The following PAMR1 variants were observed in gnomAD, a reference collection of about 807,000 sequenced individuals.
PAMR1 encodes the protein peptidase domain containing associated with muscle regeneration 1, also known as inactive serine protease PAMR1.
In PAMR1, 88 loss-of-function variants were observed where a neutral mutation model predicts 81.8. The ratio of observed to expected loss-of-function variants is 1.08; its 90% CI spans 0.91 to 1.28. The LOEUF (loss-of-function observed/expected upper bound fraction) is 1.28, where lower values mean the gene tolerates loss of function less well. Ranked by LOEUF, PAMR1 falls within the 50% of genes most tolerant of loss-of-function variation. The pLI is 0.00. For missense variants in PAMR1, 935 were observed against 919.7 expected (o/e 1.02, Z -0.21); for synonymous variants, 336 against 345.3 (o/e 0.97, Z 0.30).
At chr11:35,473,605 G>A (rs973144914) in intron 4 of PAMR1, among the ~76,000 whole-genome samples, 1 of 152,162 alleles carries the variant, frequency 6.6e-6, no homozygotes, top group Non-Finnish European at 1.5e-5. Flanking sequence ...GGAAACACAA[G>A]CTGTCATGCA....
At chr11:35,483,618 G>A (rs954747353) in intron 3 of PAMR1, among the ~76,000 whole-genome samples, 34 of 152,146 alleles carry the variant, frequency 2.2e-4, no homozygotes, top group African/African-American at 8.2e-4. Flanking sequence ...GAAGCATCCC[G>A]AATCTCTTGC....
chr11:35,501,499 T>G (rs12804587), intron 1 of PAMR1, among the ~76,000 whole-genome samples: 1 of 152,138 alleles, frequency 6.6e-6, no homozygotes, highest in Non-Finnish European at 1.5e-5. Flanking sequence ...ACAAGTACAG[T>G]TGTACAAAAA....
At chr11:35,506,844 A>C (rs1169418564) in intron 1 of PAMR1, among the ~76,000 whole-genome samples, 1 of 145,232 alleles carries the variant, frequency 6.9e-6, no homozygotes, top group Non-Finnish European at 1.5e-5. Context: ...GGATATTTAT[A>C]TCTTTCTTAA....
intron 3 of PAMR1, among the ~76,000 whole-genome samples, chr11:35,477,652 G>A (rs1232907803): frequency 6.6e-6 from 1 of 152,170 alleles, no homozygotes; most frequent in African/African-American, 2.4e-5. Flanking sequence ...AATCGTGCAT[G>A]GCAAACTCTT....
upstream of PAMR1, among the ~76,000 whole-genome samples, chr11:35,528,371 A>G (rs756140426): frequency 1.3e-5 from 2 of 152,198 alleles, no homozygotes; most frequent in Non-Finnish European, 2.9e-5. Context: ...AACTAGTCTT[A>G]TCTCCCATTA....
chr11:35,485,514 T>A (rs1486110625), intron 3 of PAMR1, among the ~76,000 whole-genome samples: 2 of 152,220 alleles, frequency 1.3e-5, no homozygotes, highest in African/African-American at 4.8e-5. Context: ...GGCAGAAAGA[T>A]GTGAATAAGT....
chr11:35,441,411 GC>G, intron 7 of PAMR1, 69 bp downstream of exon 7: 3 of 1,105,096 alleles, frequency 2.7e-6, no homozygotes, highest in South Asian at 1.4e-5. Context: ...TTAAAAACAT[GC>G]AAAGGAGCTA....
chr11:35,505,902 C>CTTTG lies in PAMR1; in HGVS notation c.74-11631_74-11630insCAAA, dbSNP rs1434349803. On this transcript the variant is annotated intron_variant, in intron 1 of 10. Transcript: ENST00000619888. Reference sequence around the variant, plus strand: ...TTCTATTGCCATTTTGTGGCTTGTTCTCTGTCATGTAACTCATCTCTTCCT... The same window carrying CTTTG: ...TTCTATTGCCATTTTGTGGCTTGTTCTTTGTCTGTCATGTAACTCATCTCTTCCT... Among the ~76,000 whole-genome samples, 18 of 130,460 alleles carry CTTTG rather than the reference C, an allele frequency of 1.4e-4. No individual in the cohort carries two copies. In the East Asian group the frequency reaches 3.9e-3, roughly 29 times the overall value. The allele number at this position is 130,460 out of a possible 152,430, so 85.6% of individuals were successfully genotyped here.
Position 35,480,443 on chromosome 11 carries a change from C to T in PAMR1, c.380-5699G>A, listed in dbSNP as rs570437310. 1.2e-4 allele frequency among the ~76,000 whole-genome samples: 18 copies of T among 152,332 alleles called. 1 individual carries two copies. Among genetic ancestry groups the T allele is most frequent in the Admixed American group, 1.2e-3 (18 of 15,306 alleles). On this transcript the variant is annotated intron_variant, in intron 3 of 10. Transcript: ENST00000619888. ...AAGAGTTAAGACTGCTAAATACTTTCAGTCTCTTTTCCCTGTGCTTCAGTT... is the reference window on the plus strand; with the variant it reads ...AAGAGTTAAGACTGCTAAATACTTTTAGTCTCTTTTCCCTGTGCTTCAGTT...
rs952154039 is a variant in PAMR1, at chr11:35,434,630, G to T, written c.1508C>A (p.Ala503Asp). 6.2e-7 allele frequency: 1 copy of T among 1,613,912 alleles called. No homozygotes were observed. Among genetic ancestry groups the T allele is most frequent in the African/African-American group, 1.3e-5 (1 of 74,852 alleles). ...CTTCCCCAGGTCAGTAACACAGTGG[G>T]CAGCCACCACCACAGTGCGCTCATT... is the stretch of plus-strand genomic sequence containing the variant. ...LVNERTVVVA[A>D]HCVTDLGKVT... Residue 503 changes from alanine to aspartate, a missense_variant, in exon 10 of 11, where the codon GCC becomes GAC. Coordinates refer to ENST00000619888, the MANE Select transcript of PAMR1 (RefSeq NM_001001991.3).
chr11:35,482,296 C>T (rs1453174385), intron 3 of PAMR1, among the ~76,000 whole-genome samples: 1 of 152,138 alleles, frequency 6.6e-6, no homozygotes, highest in African/African-American at 2.4e-5. Flanking sequence ...ACAGGGAATC[C>T]TTTCCTCATT....
At chr11:35,483,178 G>A (rs1850433599) in intron 3 of PAMR1, among the ~76,000 whole-genome samples, 1 of 152,156 alleles carries the variant, frequency 6.6e-6, no homozygotes, top group Non-Finnish European at 1.5e-5. Flanking sequence ...CTGATTTGGG[G>A]CAGGACTGAA....
chr11:35,522,749 T>C (rs1258451090), intron 1 of PAMR1, among the ~76,000 whole-genome samples: 1 of 152,212 alleles, frequency 6.6e-6, no homozygotes, highest in Non-Finnish European at 1.5e-5. Flanking sequence ...GTTCAATTTT[T>C]GGGGGAACCA....
At chr11:35,521,034 C>T (rs1010394) in intron 1 of PAMR1, among the ~76,000 whole-genome samples, 16 of 152,032 alleles carry the variant, frequency 1.1e-4, no homozygotes, top group African/African-American at 2.7e-4. Flanking sequence ...GGGACTTACG[C>T]GCTCTAGGTC....
chr11:35,477,609 T>C (rs1850305651), intron 3 of PAMR1, among the ~76,000 whole-genome samples: 1 of 152,204 alleles, frequency 6.6e-6, no homozygotes. Context: ...TGAATAAAAG[T>C]GGCAGCTACT....
At position 35,488,669 on chromosome 11, in the gene PAMR1, C is replaced by CTTTT. The variant is rs34053329; in HGVS notation, c.379+3372_379+3375dup. ...CCATTTTTCACACTTCAAATCTTGC[C>CTTTT]TTTTTTTTTTTTTTTTTTTTTTTGG... On this transcript the variant is annotated intron_variant, in intron 3 of 10. Coordinates refer to ENST00000619888, the MANE Select transcript of PAMR1 (RefSeq NM_001001991.3). Among the ~76,000 whole-genome samples the CTTTT allele has an allele frequency of 7.8e-3, 334 of 42,980 alleles. 40 individuals carry two copies. Among genetic ancestry groups the CTTTT allele is most frequent in the African/African-American group, 0.026 (303 of 11,570 alleles). The allele number at this position is 42,980 out of a possible 152,430, so 28.2% of individuals were successfully genotyped here. A position where few individuals can be genotyped will look rare whatever the true frequency, so the allele number is the denominator to read the frequency against.
intron 3 of PAMR1, among the ~76,000 whole-genome samples, chr11:35,481,142 T>C (rs1850383006): frequency 6.6e-6 from 1 of 152,244 alleles, no homozygotes; most frequent in Admixed American, 6.5e-5. Context: ...TCTTTGCTAT[T>C]GTAAATAGTG....
At chr11:35,436,684 ACAC>A (rs1856055099) in intron 8 of PAMR1, among the ~76,000 whole-genome samples, 1 of 151,814 alleles carries the variant, frequency 6.6e-6, no homozygotes, top group African/African-American at 2.4e-5. Flanking sequence ...ACACACACAC[ACAC>A]ACACTTTGCC....
intron 6 of PAMR1, among the ~76,000 whole-genome samples, chr11:35,451,020 T>A (rs752663795): frequency 6.6e-6 from 1 of 152,198 alleles, no homozygotes; most frequent in Admixed American, 6.5e-5. Flanking sequence ...TTAAGACCAG[T>A]CTTGGAATAC....
Sources: allele counts gnomAD v4.1 joint callset (sites outside exome capture counted in the v4.1 genomes callset), GRCh38; gene constraint gnomAD v4.1.1; transcripts MANE v1.5; gene names NCBI Gene and HGNC (gene_info 2026-07-23, HGNC 2026-07-21).